Variants in RBFOX1 observed in about 807,000 individuals in gnomAD.
The protein encoded by RBFOX1 is RNA binding fox-1 homolog 1, also known as RNA binding protein fox-1 homolog 1.
A neutral mutation model predicts 57.7 loss-of-function variants in RBFOX1; 8 were observed. The observed-to-expected ratio is 0.14, with a 90% CI of 0.08 to 0.25. The LOEUF (loss-of-function observed/expected upper bound fraction) is 0.25, where lower values mean the gene tolerates loss of function less well. Among genes scored for constraint, RBFOX1 ranks in the 10% least tolerant of loss-of-function variants. The pLI, the probability that RBFOX1 is intolerant of heterozygous loss-of-function variation, is 1.00. For synonymous variants in RBFOX1, 326 were observed against 222.4 expected (o/e 1.47, Z -4.15); for missense variants, 611 against 548.5 (o/e 1.11, Z -1.14).
intron 4 of RBFOX1, among the ~76,000 whole-genome samples, chr16:5,998,622 A>T (rs986802683): frequency 2.0e-5 from 3 of 152,184 alleles, no homozygotes; most frequent in African/African-American, 7.2e-5. Flanking sequence ...GAGGGTGCAG[A>T]GCCACCTCCC....
chr16:6,967,466 G>A (rs924616345), intron 3 of RBFOX1, among the ~76,000 whole-genome samples: 1 of 152,184 alleles, frequency 6.6e-6, no homozygotes, highest in Non-Finnish European at 1.5e-5. Flanking sequence ...GATGGGGGCA[G>A]TGGATAGGAT....
chr16:7,531,852 C>G (rs1394058641), intron 5 of RBFOX1, among the ~76,000 whole-genome samples: 1 of 152,082 alleles, frequency 6.6e-6, no homozygotes, highest in East Asian at 1.9e-4. Flanking sequence ...GAGCTCTCAA[C>G]TCCCTCAATT....
intron 4 of RBFOX1, among the ~76,000 whole-genome samples, chr16:7,345,611 A>T (rs1027506394): frequency 6.6e-6 from 1 of 152,146 alleles, no homozygotes; most frequent in Non-Finnish European, 1.5e-5. Context: ...AACGCCAGTC[A>T]TCAGCCGCCG....
At chr16:6,084,494 T>A (rs1157821921) in intron 1 of RBFOX1, among the ~76,000 whole-genome samples, 1 of 152,166 alleles carries the variant, frequency 6.6e-6, no homozygotes, top group African/African-American at 2.4e-5. Context: ...TTCCTCAGCC[T>A]CTGCCTCCCA....
chr16:6,827,867 C>T (rs547069738), intron 3 of RBFOX1, among the ~76,000 whole-genome samples: 1 of 152,338 alleles, frequency 6.6e-6, no homozygotes, highest in South Asian at 2.1e-4. Context: ...TCTTAGAGCA[C>T]TGGGCTATTC....
In RBFOX1 at chr16:6,913,212, C is replaced by T. The variant is rs181828205; in HGVS notation, c.-15-138845C>T. ...AAAAACATTTTTTTAAATGCAAAAA[C>T]AGGGTATCGGAAATTATTATCTGTC... On this transcript the variant is annotated intron_variant, in intron 3 of 15. Coordinates refer to ENST00000550418, the MANE Select transcript of RBFOX1 (RefSeq NM_018723.4). 1.1e-4 allele frequency among the ~76,000 whole-genome samples: 16 copies of T among 152,096 alleles called. No homozygotes were observed. The East Asian group carries it at 3.1e-3, about 29-fold the overall frequency.
intron 3 of RBFOX1, among the ~76,000 whole-genome samples, chr16:5,727,188 A>G (rs2052184221): frequency 6.6e-6 from 1 of 152,146 alleles, no homozygotes; most frequent in Admixed American, 6.5e-5. Context: ...AATTGCTTGA[A>G]GTGAACCAGG....
intron 2 of RBFOX1, among the ~76,000 whole-genome samples, chr16:6,358,355 C>T (rs998831749): frequency 6.6e-6 from 1 of 152,144 alleles, no homozygotes; most frequent in Non-Finnish European, 1.5e-5. Context: ...TCACATTTTA[C>T]CTTCTCTTCA....
intron 4 of RBFOX1, among the ~76,000 whole-genome samples, chr16:5,894,271 C>G (rs1597674497): frequency 1.3e-5 from 2 of 152,092 alleles, no homozygotes; most frequent in East Asian, 1.9e-4. Flanking sequence ...TAAAACAATT[C>G]AAAACATTAT....
chr16:7,697,091 T>C (rs1483660633), intron 14 of RBFOX1, among the ~76,000 whole-genome samples: 2 of 152,156 alleles, frequency 1.3e-5, no homozygotes, highest in South Asian at 2.1e-4. Context: ...AATCTGACTT[T>C]AATGATCAGA....
chr16:7,372,037 A>G (rs1277266162), intron 4 of RBFOX1, among the ~76,000 whole-genome samples: 1 of 152,122 alleles, frequency 6.6e-6, no homozygotes, highest in Admixed American at 6.5e-5. Flanking sequence ...ATATTTAAAT[A>G]AAACATATAT....
At chr16:6,900,089 G>C (rs1327306217) in intron 3 of RBFOX1, among the ~76,000 whole-genome samples, 1 of 152,150 alleles carries the variant, frequency 6.6e-6, no homozygotes, top group South Asian at 2.1e-4. Context: ...GCTTAGAACA[G>C]TTCCTGGCAC....
intron 1 of RBFOX1, among the ~76,000 whole-genome samples, chr16:5,341,885 TG>T (rs947914446): frequency 2.0e-5 from 3 of 152,170 alleles, no homozygotes; most frequent in African/African-American, 7.2e-5. Flanking sequence ...GTAAGTCACC[TG>T]GTGGAGTGTT....
intron 3 of RBFOX1, among the ~76,000 whole-genome samples, chr16:5,665,271 G>T (rs1483490856): frequency 1.3e-5 from 2 of 152,086 alleles, no homozygotes; most frequent in Non-Finnish European, 1.5e-5. Flanking sequence ...CTGTCTCAGA[G>T]CCTTTGCATC....
intron 3 of RBFOX1, among the ~76,000 whole-genome samples, chr16:5,831,478 T>TATTATTATTATC (rs1322273653): frequency 2.9e-5 from 4 of 138,280 alleles, no homozygotes; most frequent in Admixed American, 7.0e-5. Flanking sequence ...TCTCTTTTAT[T>TATTATTATTATC]ATTATTATTA....
chr16:5,747,841 A>AT (rs1263479618), intron 3 of RBFOX1, among the ~76,000 whole-genome samples: 2 of 152,002 alleles, frequency 1.3e-5, no homozygotes, highest in Non-Finnish European at 2.9e-5. Context: ...GGATTCCTTG[A>AT]TTTTTTGAAG....
chr16:5,809,384 G>A (rs1490820236), intron 3 of RBFOX1, among the ~76,000 whole-genome samples: 1 of 152,180 alleles, frequency 6.6e-6, no homozygotes, highest in East Asian at 1.9e-4. Flanking sequence ...GAGTGAACAG[G>A]CAGCCTACAC....
intron 4 of RBFOX1, among the ~76,000 whole-genome samples, chr16:7,455,404 C>A (rs1163431622): frequency 1.3e-5 from 2 of 152,142 alleles, no homozygotes; most frequent in Non-Finnish European, 2.9e-5. Flanking sequence ...CCTTACTCTC[C>A]ATGCAAGAAT....
At chr16:5,268,113 A>C (rs1352052819) in intron 1 of RBFOX1, among the ~76,000 whole-genome samples, 3 of 152,084 alleles carry the variant, frequency 2.0e-5, no homozygotes, top group Non-Finnish European at 4.4e-5. Flanking sequence ...TATAGACTCC[A>C]TCAGAGTTGA....
Sources: allele counts gnomAD v4.1 joint callset (sites outside exome capture counted in the v4.1 genomes callset), GRCh38; gene constraint gnomAD v4.1.1; transcripts MANE v1.5; gene names NCBI Gene and HGNC (gene_info 2026-07-23, HGNC 2026-07-21).